EYS: variants seen among roughly 807,000 people sequenced by gnomAD.
EYS encodes the protein protein eyes shut homolog.
A neutral mutation model predicts 282.1 loss-of-function variants in EYS; 250 were observed. The observed-to-expected ratio is 0.89, with a 90% confidence interval of 0.80 to 0.98. EYS has a LOEUF of 0.98. Among genes scored for constraint, EYS ranks in the 50% least tolerant of loss-of-function variants. The probability of loss-of-function intolerance (pLI) is 0.00; values close to 1 mark genes in which losing one functional copy is unlikely to be tolerated. For missense variants in EYS, 4,016 were observed against 3,709.0 expected (o/e 1.08, Z -2.15); for synonymous variants, 1,355 against 1,282.9 (o/e 1.06, Z -1.20).
intron 26 of EYS, among the ~76,000 whole-genome samples, chr6:64,476,033 T>G (rs1400714346): frequency 6.6e-6 from 1 of 152,132 alleles, no homozygotes; most frequent in Non-Finnish European, 1.5e-5. Flanking sequence ...TCGAGCGATC[T>G]TCCTCCCTTG....
intron 28 of EYS, among the ~76,000 whole-genome samples, chr6:64,399,983 A>C (rs1270241722): frequency 6.6e-6 from 1 of 151,948 alleles, no homozygotes; most frequent in Non-Finnish European, 1.5e-5. Flanking sequence ...ACAGCAATGG[A>C]TCAGGTGATT....
intron 22 of EYS, among the ~76,000 whole-genome samples, chr6:64,708,769 C>A (rs1771113832): frequency 1.3e-5 from 2 of 152,132 alleles, no homozygotes; most frequent in Non-Finnish European, 2.9e-5. Context: ...TCTGCATTGT[C>A]CTGGAAACAA....
At chr6:64,213,029 T>C (rs921009081) in intron 31 of EYS, among the ~76,000 whole-genome samples, 3 of 152,120 alleles carry the variant, frequency 2.0e-5, no homozygotes, top group Admixed American at 1.3e-4. Context: ...AAATATTCCA[T>C]GTTTTCCCTT....
chr6:65,026,448 G>A (rs1399076040), intron 13 of EYS, among the ~76,000 whole-genome samples: 1 of 152,174 alleles, frequency 6.6e-6, no homozygotes, highest in Non-Finnish European at 1.5e-5. Context: ...CCAGGGGTAT[G>A]ACCAGAAATA....
At chr6:63,827,917 G>C (rs552838535) in intron 36 of EYS, among the ~76,000 whole-genome samples, 2 of 149,748 alleles carry the variant, frequency 1.3e-5, no homozygotes, top group Non-Finnish European at 3.0e-5. Flanking sequence ...AGTAAAACTT[G>C]AAATCAACTC....
At chr6:64,296,267 G>T (rs1448182320) in intron 30 of EYS, among the ~76,000 whole-genome samples, 1 of 151,994 alleles carries the variant, frequency 6.6e-6, no homozygotes, top group Non-Finnish European at 1.5e-5. Context: ...AATAATTACA[G>T]GACAGATTGA....
In EYS at chr6:64,829,242, A is replaced by C. The variant is rs114279239; in HGVS notation, c.2993-6420T>G. 1.0e-3 allele frequency among the ~76,000 whole-genome samples: 156 copies of C among 152,130 alleles called. 1 individual carries two copies. Among genetic ancestry groups the C allele is most frequent in the African/African-American group, 3.5e-3 (144 of 41,546 alleles). On this transcript the variant is annotated intron_variant, in intron 19 of 42. Coordinates refer to ENST00000503581, the MANE Select transcript of EYS (RefSeq NM_001142800.2). ...CATAAAGAAATAACTCAGCCAGTTA[A>C]CATCTGTCCTTCTCTGGCATCAGCC...
intron 32 of EYS, among the ~76,000 whole-genome samples, chr6:64,069,779 G>A (rs1223518701): frequency 6.6e-6 from 1 of 152,054 alleles, no homozygotes; most frequent in Non-Finnish European, 1.5e-5. Context: ...GAACTCTAAA[G>A]AGCTTTTGTT....
At chr6:65,432,345 G>T (rs889188571) in intron 5 of EYS, among the ~76,000 whole-genome samples, 5 of 151,964 alleles carry the variant, frequency 3.3e-5, no homozygotes, top group African/African-American at 1.2e-4. Context: ...TCTGGTGGGA[G>T]AACACAGAAA....
At chr6:65,541,707 T>C (rs1768174496) in intron 2 of EYS, among the ~76,000 whole-genome samples, 1 of 152,044 alleles carries the variant, frequency 6.6e-6, no homozygotes, top group Non-Finnish European at 1.5e-5. Context: ...TTGTCCCATG[T>C]GGATAATAGT....
chr6:64,914,247 A>C (rs565240637), intron 15 of EYS, among the ~76,000 whole-genome samples: 1 of 152,274 alleles, frequency 6.6e-6, no homozygotes, highest in African/African-American at 2.4e-5. Context: ...AAACAATCAC[A>C]AACTGTAGGT....
At chr6:65,191,435 T>A (rs1178201598) in intron 12 of EYS, among the ~76,000 whole-genome samples, 1 of 151,840 alleles carries the variant, frequency 6.6e-6, no homozygotes, top group African/African-American at 2.4e-5. Flanking sequence ...TAAATTACTA[T>A]TATTTGATTT....
At chr6:65,519,531 A>C (rs1767269172) in intron 2 of EYS, among the ~76,000 whole-genome samples, 1 of 149,328 alleles carries the variant, frequency 6.7e-6, no homozygotes. Context: ...AATATAACTT[A>C]ATAATAGAAT....
intron 35 of EYS, among the ~76,000 whole-genome samples, chr6:63,913,697 T>C (rs517392): frequency 0.7 from 107,281 of 152,190 alleles, 37,961 homozygotes; most frequent in Non-Finnish European, 0.73. Context: ...TTCTTCCGTA[T>C]GTATATACCA....
intron 29 of EYS, among the ~76,000 whole-genome samples, chr6:64,385,015 T>A (rs1179696385): frequency 6.6e-6 from 1 of 152,162 alleles, no homozygotes; most frequent in Non-Finnish European, 1.5e-5. Context: ...CAACTATAGT[T>A]CTTTTCCTTA....
At chr6:64,821,596 T>C in intron 21 of EYS, 49 bp downstream of exon 21, 1 of 1,028,448 alleles carries the variant, frequency 9.7e-7, no homozygotes, top group South Asian at 1.6e-5. Flanking sequence ...TGATTTTTCT[T>C]TTAAATTAAA....
chr6:65,504,847 G>A (rs1041041516), intron 2 of EYS, among the ~76,000 whole-genome samples: 1 of 151,646 alleles, frequency 6.6e-6, no homozygotes, highest in African/African-American at 2.4e-5. Context: ...CTATGTTCAT[G>A]AGAGTTATTA....
chr6:63,783,860 G>T (rs1304258855), intron 39 of EYS, among the ~76,000 whole-genome samples: 1 of 152,060 alleles, frequency 6.6e-6, no homozygotes, highest in Non-Finnish European at 1.5e-5. Flanking sequence ...GGGGTGCCCA[G>T]ATACTTGGTC....
chr6:64,837,300 CAAT>C (rs1390028604), intron 19 of EYS, among the ~76,000 whole-genome samples: 2 of 151,274 alleles, frequency 1.3e-5, no homozygotes, highest in Non-Finnish European at 3.0e-5. Flanking sequence ...TAAAAATCCT[CAAT>C]AAGCTAGGCA....
Sources: allele counts gnomAD v4.1 joint callset (sites outside exome capture counted in the v4.1 genomes callset), GRCh38; gene constraint gnomAD v4.1.1; transcripts MANE v1.5; gene names NCBI Gene and HGNC (gene_info 2026-07-23, HGNC 2026-07-21).